The following DIXDC1 variants were observed in gnomAD, a reference collection of about 807,000 sequenced individuals.
DIXDC1 encodes dixin.
In DIXDC1, 64 loss-of-function variants were observed where a neutral mutation model predicts 103.1. That is an observed-to-expected ratio of 0.62 (90% CI 0.51 to 0.76). DIXDC1 has a LOEUF of 0.76. Among genes scored for constraint, DIXDC1 ranks in the 30% least tolerant of loss-of-function variants. The probability of loss-of-function intolerance (pLI) is 0.00; values close to 1 mark genes in which losing one functional copy is unlikely to be tolerated. For synonymous variants in DIXDC1, 266 were observed against 298.5 expected (o/e 0.89, Z 1.12); for missense variants, 759 against 834.2 (o/e 0.91, Z 1.11).
chr11:111,982,738 A>G (rs949412706), intron 7 of DIXDC1, among the ~76,000 whole-genome samples: 2 of 152,170 alleles, frequency 1.3e-5, no homozygotes, highest in African/African-American at 4.8e-5. Flanking sequence ...GACCCTTATC[A>G]AGTCCTTATT....
intron 2 of DIXDC1, among the ~76,000 whole-genome samples, chr11:111,965,248 A>C (rs1274797681): frequency 2.6e-5 from 4 of 152,100 alleles, no homozygotes; most frequent in Non-Finnish European, 5.9e-5. Flanking sequence ...TGGTACCATA[A>C]CCTTATTTCC....
At chr11:111,949,783 TTCCA>T (rs1187176249) in intron 1 of DIXDC1, among the ~76,000 whole-genome samples, 2 of 152,204 alleles carry the variant, frequency 1.3e-5, no homozygotes, top group Non-Finnish European at 2.9e-5. Context: ...CCCTTCCTCC[TTCCA>T]TCACCTCTGC....
intron 1 of DIXDC1, among the ~76,000 whole-genome samples, chr11:111,960,681 C>T (rs879981108): frequency 4.6e-5 from 7 of 152,068 alleles, no homozygotes; most frequent in South Asian, 2.1e-4. Context: ...GCTCACATCT[C>T]TGCATGTTAC....
intron 1 of DIXDC1, among the ~76,000 whole-genome samples, chr11:111,947,351 T>C (rs1436565129): frequency 2.0e-5 from 3 of 152,200 alleles, no homozygotes; most frequent in Admixed American, 1.3e-4. Flanking sequence ...AGGCATATGG[T>C]ATTTCATCTG....
At chr11:111,991,291 A>AT (rs782745486) in intron 10 of DIXDC1, among the ~76,000 whole-genome samples, 1 of 152,248 alleles carries the variant, frequency 6.6e-6, no homozygotes, top group Non-Finnish European at 1.5e-5. Flanking sequence ...AAGGTCTGTC[A>AT]TAAAGAGGTT....
chr11:111,986,707 T>C (rs896362200), intron 8 of DIXDC1, among the ~76,000 whole-genome samples, 164 bp from the exon 9 acceptor site: 1 of 152,094 alleles, frequency 6.6e-6, no homozygotes, highest in Non-Finnish European at 1.5e-5. Context: ...ATCTACTTGC[T>C]ACTTGATGCA....
At chr11:112,013,995 A>G (rs1168235241) in intron 17 of DIXDC1, among the ~76,000 whole-genome samples, 1 of 152,124 alleles carries the variant, frequency 6.6e-6, no homozygotes, top group African/African-American at 2.4e-5. Flanking sequence ...GGCTCTTTTT[A>G]ACAAGCAGTT....
intron 3 of DIXDC1, among the ~76,000 whole-genome samples, chr11:111,968,880 T>C (rs189833131): frequency 3.3e-5 from 5 of 152,246 alleles, no homozygotes; most frequent in Non-Finnish European, 1.5e-5. Context: ...GTTCAAGTGA[T>C]TCTCCTGCCT....
intron 17 of DIXDC1, among the ~76,000 whole-genome samples, chr11:112,008,701 T>G (rs1861317004): frequency 6.6e-6 from 1 of 152,222 alleles, no homozygotes; most frequent in Non-Finnish European, 1.5e-5. Flanking sequence ...TGCTCCTGAA[T>G]GACTACTGGC....
chr11:111,963,515 G>A (rs1254073514), intron 1 of DIXDC1, among the ~76,000 whole-genome samples: 1 of 152,138 alleles, frequency 6.6e-6, no homozygotes, highest in Non-Finnish European at 1.5e-5. Context: ...AAGTACTTGG[G>A]GCTTAGGAAT....
chr11:111,937,243 G>T (rs587731947), upstream of DIXDC1: 3 of 1,213,176 alleles, frequency 2.5e-6, no homozygotes, highest in Non-Finnish European at 3.1e-6. Context: ...CGGCAGCGCC[G>T]CTCAACCTAG....
intron 3 of DIXDC1, among the ~76,000 whole-genome samples, chr11:111,971,648 G>A (rs181168903): frequency 2.0e-5 from 3 of 152,150 alleles, no homozygotes; most frequent in East Asian, 1.9e-4. Flanking sequence ...TCATTGCAGC[G>A]CCATTCACAA....
chr11:111,951,358 A>T (rs1470729295), intron 1 of DIXDC1, among the ~76,000 whole-genome samples: 1 of 152,208 alleles, frequency 6.6e-6, no homozygotes, highest in Non-Finnish European at 1.5e-5. Flanking sequence ...TGTTGTGTAA[A>T]TTATTTCAGA....
upstream of DIXDC1, among the ~76,000 whole-genome samples, chr11:111,936,216 C>A (rs980553773): frequency 6.6e-6 from 1 of 152,228 alleles, no homozygotes; most frequent in Non-Finnish European, 1.5e-5. Context: ...TCTGTAAACC[C>A]TTCCTCTCCA....
At position 112,019,376 on chromosome 11, in the gene DIXDC1, T is replaced by A. The variant is rs1010106214; in HGVS notation, c.*340T>A. The A allele has an allele frequency of 4.7e-5, 8 of 170,400 alleles. No individual in the cohort carries two copies. Among genetic ancestry groups the A allele is most frequent in the Admixed American group, 2.4e-4 (4 of 16,640 alleles). The allele number at this position is 170,400 out of a possible 1,614,324, so 10.6% of individuals were successfully genotyped here. ...GGCATGGCTGCTATTATCTGGAAATTAGGAATTGGATGCATCATTCCTGTG... is the reference window on the plus strand; with the variant it reads ...GGCATGGCTGCTATTATCTGGAAATAAGGAATTGGATGCATCATTCCTGTG... On this transcript the variant is annotated 3_prime_UTR_variant, in exon 20 of 20. Transcript: ENST00000440460.
intron 1 of DIXDC1, among the ~76,000 whole-genome samples, chr11:111,928,060 T>C (rs933249818): frequency 4.8e-5 from 7 of 145,650 alleles, no homozygotes; most frequent in Non-Finnish European, 1.1e-4. Context: ...CCATAAAGTG[T>C]GAGAATTTAA....
intron 9 of DIXDC1, among the ~76,000 whole-genome samples, chr11:111,987,249 C>CAA (rs782010904): frequency 4.9e-4 from 61 of 123,378 alleles, no homozygotes; most frequent in African/African-American, 1.7e-3. Context: ...GACTCCATCT[C>CAA]AAAAAAAAAA....
chr11:111,937,113 C>G (rs1966217700), upstream of DIXDC1: 2 of 639,302 alleles, frequency 3.1e-6, no homozygotes, highest in African/African-American at 2.3e-5. Context: ...CGCACACACG[C>G]CCGTGCTGCG....
intron 10 of DIXDC1, among the ~76,000 whole-genome samples, chr11:111,991,668 T>C (rs1860716628): frequency 6.6e-6 from 1 of 152,222 alleles, no homozygotes; most frequent in African/African-American, 2.4e-5. Flanking sequence ...TTAGGCTTGA[T>C]AGGAACCAAG....
Sources: gnomAD v4.1 joint callset for allele counts (sites outside exome capture counted in the v4.1 genomes callset) on GRCh38, gnomAD v4.1.1 for gene constraint, MANE v1.5 for transcripts, NCBI Gene and HGNC (gene_info 2026-07-23, HGNC 2026-07-21) for gene names.